Variants in MLLT6 observed in about 807,000 individuals in gnomAD.
MLLT6 encodes protein AF-17.
MLLT6 carries 22 observed loss-of-function variants against 103.0 expected under a neutral mutation model. The ratio of observed to expected loss-of-function variants is 0.21; its 90% CI spans 0.15 to 0.31. MLLT6 has a LOEUF of 0.31. MLLT6 is among the 10% of genes least tolerant of loss of function. The pLI, the probability that MLLT6 is intolerant of heterozygous loss-of-function variation, is 1.00. For synonymous variants in MLLT6, 606 were observed against 623.5 expected (o/e 0.97, Z 0.42); for missense variants, 1,199 against 1,441.7 (o/e 0.83, Z 2.73).
chr17:38,707,181 A>T (rs967267333), intron 2 of MLLT6, 152 bp downstream of exon 2: 6 of 657,144 alleles, frequency 9.1e-6, no homozygotes, highest in Admixed American at 3.1e-5. Flanking sequence ...CTCCAACCTC[A>T]TCTCTGCCTC....
chr17:38,705,791 C>A (rs776131332), intron 1 of MLLT6, 50 bp downstream of exon 1: 10 of 888,892 alleles, frequency 1.1e-5, no homozygotes, highest in Non-Finnish European at 1.5e-5. Flanking sequence ...GCGGCGTGCG[C>A]GGGGCGCCCC....
At chr17:38,714,838 T>G (rs1905268449) in intron 8 of MLLT6, 1 of 152,312 alleles carries the variant, frequency 6.6e-6, no homozygotes. Context: ...CCACGCTCCT[T>G]CAACCACCAC....
Position 38,719,566 on chromosome 17 carries a change from G to A in MLLT6, c.1992G>A (p.Gln664=), listed in dbSNP as rs1905559029. 6.2e-7 allele frequency: 1 copy of A among 1,610,540 alleles called. No homozygotes were observed. Among genetic ancestry groups the A allele is most frequent in the Non-Finnish European group, 8.5e-7 (1 of 1,178,692 alleles). The change falls in exon 13 of 20, where the codon CAG becomes CAA. Residue 664 remains glutamine, a synonymous_variant. Coordinates refer to ENST00000621332, the MANE Select transcript of MLLT6 (RefSeq NM_005937.4). ...TCCGGTGTCGGGGGACCTCCCCTCA[G>A]GAGAGTCTGTCTTCCATGTGAGGGA... The part of the protein sequence containing the change: ...CSFRCRGTSP[Q]ESLSSMSPIS...
In MLLT6 at chr17:38,729,778, CAAAA is replaced by C. The variant is rs879210230; in HGVS notation, c.*4194_*4197del. The C allele has an allele frequency of 2.2e-4, 26 of 118,708 alleles. No homozygotes were observed. Among genetic ancestry groups the C allele is most frequent in the East Asian group, 9.2e-4 (8 of 8,662 alleles). 7.4% of individuals were successfully genotyped at this position (118,708 alleles called of 1,614,324 possible). ...GTTCTTTTAATAAAAGAATGTTTTGCAAAAAAAAAAAAAAAAATCCGAAGAGCCC... is the reference window on the plus strand; with the variant it reads ...GTTCTTTTAATAAAAGAATGTTTTGCAAAAAAAAAAAAATCCGAAGAGCCC... On this transcript the variant is annotated 3_prime_UTR_variant, in exon 20 of 20. Transcript: ENST00000621332.
chr17:38,725,545 C>A lies in MLLT6; in HGVS notation c.3241-12C>A, dbSNP rs750690205. ...CTTTCCACACCCCCGGCCTCCCTCCCTCTCTTTCCAGACCGCTGACAAAGG... is the reference window on the plus strand; with the variant it reads ...CTTTCCACACCCCCGGCCTCCCTCCATCTCTTTCCAGACCGCTGACAAAGG... On this transcript the variant is annotated splice_polypyrimidine_tract_variant and intron_variant, in intron 19 of 19. Coordinates refer to ENST00000621332, the MANE Select transcript of MLLT6 (RefSeq NM_005937.4). 1 of 1,606,972 alleles carries A rather than the reference C, an allele frequency of 6.2e-7. No individual in the cohort carries two copies. The highest frequency in any genetic ancestry group is 8.5e-7 in the Non-Finnish European group (1 of 1,177,048).
intron 4 of MLLT6, 174 bp downstream of exon 4, chr17:38,708,046 C>T: frequency 3.4e-6 from 2 of 596,388 alleles, no homozygotes; most frequent in Admixed American, 3.0e-5. Context: ...CACTCATGCT[C>T]TGGCACTCAG....
chr17:38,720,183 G>C, intron 14 of MLLT6, 189 bp from the exon 15 acceptor site: 1 of 694,052 alleles, frequency 1.4e-6, no homozygotes, highest in Non-Finnish European at 2.4e-6. Context: ...CTCAGGCTCC[G>C]CCCCAGGTCT....
In MLLT6 at chr17:38,705,571, C is replaced by T. The variant is rs1315551725; in HGVS notation, c.-62C>T. 4 of 595,620 alleles carry T rather than the reference C, an allele frequency of 6.7e-6. No homozygotes were observed. Among genetic ancestry groups the T allele is most frequent in the South Asian group, 2.3e-5 (1 of 43,154 alleles). 36.9% of individuals were successfully genotyped at this position (595,620 alleles called of 1,614,324 possible). Reference sequence around the variant, plus strand: ...GCGGCCCCCCGCTCCCTCCCTCCCCCCTGACCCCCGACCCCCGCCGGCCGG... The same window carrying T: ...GCGGCCCCCCGCTCCCTCCCTCCCCTCTGACCCCCGACCCCCGCCGGCCGG... On this transcript the variant is annotated 5_prime_UTR_variant, in exon 1 of 20. Coordinates refer to ENST00000621332, the MANE Select transcript of MLLT6 (RefSeq NM_005937.4).
intron 13 of MLLT6, 28 bp downstream of exon 13, chr17:38,719,611 G>A: frequency 6.3e-7 from 1 of 1,590,076 alleles, no homozygotes; most frequent in African/African-American, 1.3e-5. Flanking sequence ...CTGGAGGAGG[G>A]GCTGGGGGCA....
At chr17:38,720,304 C>CG in intron 14 of MLLT6, 68 bp from the exon 15 acceptor site, 10 of 685,604 alleles carry the variant, frequency 1.5e-5, no homozygotes, top group East Asian at 2.9e-5. Context: ...CTCCAGGCCC[C>CG]GCCCCCGGTC....
chr17:38,708,700 G>T (rs11657029), intron 4 of MLLT6, among the ~76,000 whole-genome samples: 1 of 151,946 alleles, frequency 6.6e-6, no homozygotes, highest in Non-Finnish European at 1.5e-5. Context: ...GTTTGAGACC[G>T]GCCTGGTCAA....
In MLLT6 at chr17:38,729,753, G is replaced by C. The variant is rs1392507602; in HGVS notation, c.*4155G>C. 5.5e-6 allele frequency: 1 copy of C among 182,336 alleles called. No individual in the cohort carries two copies. The highest frequency in any genetic ancestry group is 2.6e-5 in the African/African-American group (1 of 38,522). The allele number at this position is 182,336 out of a possible 1,614,324, so 11.3% of individuals were successfully genotyped here. A position where few individuals can be genotyped will look rare whatever the true frequency, so the allele number is the denominator to read the frequency against. ...GAAGGGCAGTTCGTAAACAGCACTT[G>C]TTCTTTTAATAAAAGAATGTTTTGC... On this transcript the variant is annotated 3_prime_UTR_variant, in exon 20 of 20. Transcript: ENST00000621332.
rs553130770 is a variant in MLLT6, at chr17:38,707,657, C to A, written c.245-106C>A. 1.3e-5 allele frequency: 16 copies of A among 1,278,262 alleles called. No homozygotes were observed. In the African/African-American group the frequency reaches 1.3e-4, roughly 11 times the overall value. 79.2% of individuals were successfully genotyped at this position (1,278,262 alleles called of 1,614,324 possible). Reference sequence around the variant, plus strand: ...TCCTTTCCCTGGCTGGCGCTGGAATCTGATGGGAAGGCTGTGGAGGAGGGA... The same window carrying A: ...TCCTTTCCCTGGCTGGCGCTGGAATATGATGGGAAGGCTGTGGAGGAGGGA... On this transcript the variant is annotated intron_variant, in intron 3 of 19. Transcript: ENST00000621332.
intron 8 of MLLT6, chr17:38,713,143 T>A: frequency 1.4e-6 from 1 of 691,526 alleles, no homozygotes; most frequent in Non-Finnish European, 2.7e-6. Context: ...GTAGAGGACA[T>A]CCCCTACGCC....
chr17:38,722,721 C>T lies in MLLT6; in HGVS notation c.2836C>T (p.Gln946Ter). ...ACATCTCCTTCAGCAGCAAGAGCAG[C>T]AGCTCCAGCAACTCCAGCAGCTCCT... ...QRHLLQQQEQ[Q>*]LQQLQQLLAS... is the part of the protein sequence containing the mutation. The change falls in exon 18 of 20, where the codon CAG becomes TAG. Residue 946 changes from glutamine to a stop codon, truncating the protein, a stop_gained. Transcript: ENST00000621332. LOFTEE classifies it high-confidence loss of function. 6.5e-7 allele frequency: 1 copy of T among 1,544,866 alleles called. No individual in the cohort carries two copies. The highest frequency in any genetic ancestry group is 8.8e-7 in the Non-Finnish European group (1 of 1,137,558).
At position 38,721,983 on chromosome 17, in the gene MLLT6, G is replaced by A; in HGVS notation, c.2548G>A (p.Ala850Thr). ...GCAGAGCCCTGCCACTCTGCCCCTG[G>A]CCCTGCCTGGGGCCCCTGCCCCACT... ...LQQSPATLPL[A>T]LPGAPAPLPP... The change falls in exon 17 of 20, where the codon GCC becomes ACC. Residue 850 changes from alanine (A) to threonine (T), a missense_variant. By Grantham distance (58) the Ala-to-Thr change is moderately conservative. Transcript: ENST00000621332. 2.0e-6 allele frequency: 3 copies of A among 1,499,084 alleles called. No individual in the cohort carries two copies. Among genetic ancestry groups the A allele is most frequent in the Non-Finnish European group, 2.7e-6 (3 of 1,125,874 alleles). The allele number at this position is 1,499,084 out of a possible 1,614,324, so 92.9% of individuals were successfully genotyped here. A position where few individuals can be genotyped will look rare whatever the true frequency, so the allele number is the denominator to read the frequency against.
intron 8 of MLLT6, chr17:38,713,286 C>T: frequency 2.4e-6 from 1 of 417,680 alleles, no homozygotes; most frequent in Non-Finnish European, 4.2e-6. Context: ...CCCACTCATC[C>T]CACCATTCCC....
intron 2 of MLLT6, 84 bp downstream of exon 2, chr17:38,707,113 C>G (rs774853075): frequency 3.0e-5 from 36 of 1,220,292 alleles, no homozygotes; most frequent in Non-Finnish European, 2.9e-5. Flanking sequence ...ACTCTGAGGC[C>G]GAGGCTAGGG....
At chr17:38,712,248 A>C in intron 7 of MLLT6, among the ~76,000 whole-genome samples, 1 of 152,106 alleles carries the variant, frequency 6.6e-6, no homozygotes, top group Non-Finnish European at 1.5e-5. Flanking sequence ...ATGACATCAC[A>C]GTGTCCCCCA....
Sources: gnomAD v4.1 joint callset for allele counts (sites outside exome capture counted in the v4.1 genomes callset) on GRCh38, gnomAD v4.1.1 for gene constraint, MANE v1.5 for transcripts, NCBI Gene and HGNC (gene_info 2026-07-23, HGNC 2026-07-21) for gene names.